MAP3K13: variants seen among roughly 807,000 people sequenced by gnomAD.
MAP3K13 encodes the protein mitogen-activated protein kinase kinase kinase 13.
Under a neutral mutation model 104.0 loss-of-function variants are expected in MAP3K13, and 52 were observed. The observed-to-expected ratio is 0.50, with a 90% CI of 0.40 to 0.63. The LOEUF (loss-of-function observed/expected upper bound fraction) is 0.63, where lower values mean the gene tolerates loss of function less well. MAP3K13 is among the 20% of genes least tolerant of loss of function. The pLI is 0.00. For synonymous variants in MAP3K13, 394 were observed against 442.2 expected (o/e 0.89, Z 1.37); for missense variants, 914 against 1,218.5 (o/e 0.75, Z 3.72).
At chr3:185,348,524 G>T (rs999139083) in intron 2 of MAP3K13, among the ~76,000 whole-genome samples, 29 of 152,164 alleles carry the variant, frequency 1.9e-4, no homozygotes, top group South Asian at 2.1e-4. Flanking sequence ...CATAACAGGA[G>T]CAAGCAACAC....
At chr3:185,432,221 G>A (rs548296798) in intron 2 of MAP3K13, among the ~76,000 whole-genome samples, 3 of 95,886 alleles carry the variant, frequency 3.1e-5, no homozygotes, top group South Asian at 7.1e-4. Flanking sequence ...ATGGAGTCTT[G>A]GTCTGTTGCC....
At chr3:185,470,988 C>T (rs1350885800) in intron 10 of MAP3K13, among the ~76,000 whole-genome samples, 1 of 151,962 alleles carries the variant, frequency 6.6e-6, no homozygotes, top group Non-Finnish European at 1.5e-5. Context: ...AAATGGATGC[C>T]CTTTAAAGGT....
At chr3:185,478,431 A>T (rs1718252876) in intron 12 of MAP3K13, among the ~76,000 whole-genome samples, 1 of 152,132 alleles carries the variant, frequency 6.6e-6, no homozygotes, top group South Asian at 2.1e-4. Context: ...TATATCCTGG[A>T]TCCCTGCATT....
chr3:185,440,342 A>T (rs1271644911), intron 3 of MAP3K13, among the ~76,000 whole-genome samples: 1 of 152,156 alleles, frequency 6.6e-6, no homozygotes, highest in African/African-American at 2.4e-5. Context: ...TCACTGTTAG[A>T]CCGTTTCTAT....
intron 2 of MAP3K13, among the ~76,000 whole-genome samples, chr3:185,431,579 A>C (rs1288905526): frequency 6.6e-6 from 1 of 152,154 alleles, no homozygotes; most frequent in Non-Finnish European, 1.5e-5. Flanking sequence ...TTCTCTCACC[A>C]AGAAATTCTG....
intron 2 of MAP3K13, among the ~76,000 whole-genome samples, chr3:185,436,956 G>A (rs572030192): frequency 1.7e-4 from 21 of 127,140 alleles, no homozygotes; most frequent in East Asian, 5.3e-4. Flanking sequence ...AGCTGAGATC[G>A]TGCCATTGCA....
chr3:185,373,907 T>A (rs1724289777), intron 1 of MAP3K13, among the ~76,000 whole-genome samples: 1 of 138,380 alleles, frequency 7.2e-6, no homozygotes, highest in Admixed American at 7.9e-5. Context: ...GCAAAAGGAG[T>A]CAGCAAAGGG....
In MAP3K13 at chr3:185,474,450, G is replaced by A. The variant is rs115081183; in HGVS notation, c.2430+689G>A. ...AAGTAAAGAGCCTGTTATAGAGTAA[G>A]TTTAAGAAGCACAGTATTCTCTCAT... On this transcript the variant is annotated intron_variant, in intron 11 of 13. Coordinates refer to ENST00000265026, the MANE Select transcript of MAP3K13 (RefSeq NM_004721.5). 2.6e-3 allele frequency among the ~76,000 whole-genome samples: 396 copies of A among 152,342 alleles called. 1 individual carries two copies. The highest frequency in any genetic ancestry group is 9.2e-3 in the African/African-American group (382 of 41,584).
chr3:185,290,642 C>T (rs945442289), intron 2 of MAP3K13, among the ~76,000 whole-genome samples: 2 of 152,036 alleles, frequency 1.3e-5, no homozygotes, highest in African/African-American at 4.8e-5. Context: ...TTTACCAGCT[C>T]GGTAATTACC....
chr3:185,382,149 T>C (rs1159483569), intron 1 of MAP3K13, among the ~76,000 whole-genome samples: 1 of 152,160 alleles, frequency 6.6e-6, no homozygotes, highest in Non-Finnish European at 1.5e-5. Flanking sequence ...ATACCAGATA[T>C]TTTTCCTAAA....
At chr3:185,351,455 C>T (rs1400701462) in intron 2 of MAP3K13, among the ~76,000 whole-genome samples, 1 of 152,078 alleles carries the variant, frequency 6.6e-6, no homozygotes, top group Non-Finnish European at 1.5e-5. Flanking sequence ...CTGACTCTGC[C>T]AAAGAAAGAG....
chr3:185,367,307 T>C (rs1723935189), intron 1 of MAP3K13, among the ~76,000 whole-genome samples: 1 of 152,216 alleles, frequency 6.6e-6, no homozygotes, highest in Non-Finnish European at 1.5e-5. Flanking sequence ...TGATGATGTA[T>C]TTTTAAAAAG....
intron 2 of MAP3K13, among the ~76,000 whole-genome samples, chr3:185,356,039 G>A (rs1013748119): frequency 4.6e-5 from 7 of 152,092 alleles, no homozygotes; most frequent in African/African-American, 9.6e-5. Flanking sequence ...TGAGATAAAC[G>A]GTAAAAAGAT....
Position 185,447,494 on chromosome 3 carries a change from CAAAAAAA to C in MAP3K13, c.852-273_852-267del, listed in dbSNP as rs1178155454. On this transcript the variant is annotated intron_variant, in intron 4 of 13. Transcript: ENST00000265026. ...GGGCGGCAAGAGTGAAACTCTGTCT[CAAAAAAA>C]AAAAAAAAAAAAAAAAAAAAAGAGT... 3.9e-3 allele frequency among the ~76,000 whole-genome samples: 112 copies of C among 28,416 alleles called. 1 individual carries two copies. Among genetic ancestry groups the C allele is most frequent in the African/African-American group, 0.011 (86 of 7,872 alleles). The allele number at this position is 28,416 out of a possible 152,430, so 18.6% of individuals were successfully genotyped here. A position where few individuals can be genotyped will look rare whatever the true frequency, so the allele number is the denominator to read the frequency against.
intron 2 of MAP3K13, among the ~76,000 whole-genome samples, chr3:185,332,226 TCCCC>T (rs10545329): frequency 1.3e-5 from 2 of 151,308 alleles, no homozygotes; most frequent in South Asian, 2.1e-4. Context: ...CAATGTGTAC[TCCCC>T]CCCCCCATTA....
chr3:185,397,089 C>T (rs1712470343), intron 1 of MAP3K13, among the ~76,000 whole-genome samples: 1 of 151,740 alleles, frequency 6.6e-6, no homozygotes, highest in South Asian at 2.1e-4. Context: ...GAGAATCTTA[C>T]AATTGAAAGA....
intron 2 of MAP3K13, among the ~76,000 whole-genome samples, chr3:185,288,491 G>A (rs918119253): frequency 3.5e-5 from 5 of 143,492 alleles, no homozygotes; most frequent in Admixed American, 1.4e-4. Flanking sequence ...ATATGTGTGT[G>A]TATATATATA....
chr3:185,399,199 G>T (rs73885703), intron 1 of MAP3K13, among the ~76,000 whole-genome samples: 2,102 of 152,036 alleles, frequency 0.014, 47 homozygotes, highest in African/African-American at 0.048. Context: ...AGTGAGGGGA[G>T]GAAAAAGAAA....
At chr3:185,391,143 C>T (rs1712029161) in intron 1 of MAP3K13, among the ~76,000 whole-genome samples, 1 of 152,094 alleles carries the variant, frequency 6.6e-6, no homozygotes, top group South Asian at 2.1e-4. Flanking sequence ...TGTTGTTGTG[C>T]AACCATCACC....
Sources: gnomAD v4.1 joint callset for allele counts (sites outside exome capture counted in the v4.1 genomes callset) on GRCh38, gnomAD v4.1.1 for gene constraint, MANE v1.5 for transcripts, NCBI Gene and HGNC (gene_info 2026-07-23, HGNC 2026-07-21) for gene names.